The following GATAD2B variants were observed in gnomAD, a reference collection of about 807,000 sequenced individuals.
GATAD2B encodes the protein transcriptional repressor p66-beta.
GATAD2B carries 8 observed loss-of-function variants against 64.3 expected under a neutral mutation model. That is an observed-to-expected ratio of 0.12 (90% confidence interval 0.07 to 0.22). The LOEUF is 0.22. GATAD2B is among the 10% of genes least tolerant of loss of function. The probability of loss-of-function intolerance (pLI) is 1.00; values close to 1 mark genes in which losing one functional copy is unlikely to be tolerated. For synonymous variants in GATAD2B, 281 were observed against 271.3 expected (o/e 1.04, Z -0.35); for missense variants, 453 against 752.0 (o/e 0.60, Z 4.65).
At chr1:153,842,924 G>C (rs1675548001) in intron 1 of GATAD2B, among the ~76,000 whole-genome samples, 1 of 149,626 alleles carries the variant, frequency 6.7e-6, no homozygotes. Flanking sequence ...CAAAGTGCTG[G>C]GATTACAGGC....
intron 7 of GATAD2B, among the ~76,000 whole-genome samples, chr1:153,814,109 C>T (rs917323240): frequency 2.2e-4 from 34 of 152,348 alleles, no homozygotes; most frequent in South Asian, 8.3e-4. Flanking sequence ...TCAACCAATA[C>T]TTTTGCTTCT....
intron 1 of GATAD2B, among the ~76,000 whole-genome samples, chr1:153,876,239 A>AAAAAAAAG (rs1676828982): frequency 2.2e-5 from 3 of 133,670 alleles, no homozygotes; most frequent in Admixed American, 7.1e-5. Flanking sequence ...AAAAAAAAAA[A>AAAAAAAAG]AAAAAAAAAA....
intron 1 of GATAD2B, among the ~76,000 whole-genome samples, chr1:153,898,004 C>CAAAAAAAAAAAAA (rs60650122): frequency 1.5e-5 from 2 of 131,390 alleles, no homozygotes; most frequent in African/African-American, 2.8e-5. Context: ...AAAAAAAAAA[C>CAAAAAAAAAAAAA]AAAAAAAAAA....
intron 1 of GATAD2B, among the ~76,000 whole-genome samples, chr1:153,920,677 C>T (rs1462503157): frequency 1.3e-5 from 2 of 152,182 alleles, no homozygotes; most frequent in South Asian, 2.1e-4. Flanking sequence ...ATCACTCTCA[C>T]CTCATGGAGA....
chr1:153,886,523 T>G (rs935757629), intron 1 of GATAD2B: 1 of 104,460 alleles, frequency 9.6e-6, no homozygotes, highest in South Asian at 3.8e-4. Flanking sequence ...ATAGTTTTCC[T>G]TTTTTTTTTT....
chr1:153,915,695 A>G (rs1320375839), intron 1 of GATAD2B, among the ~76,000 whole-genome samples: 8 of 148,646 alleles, frequency 5.4e-5, no homozygotes, highest in Non-Finnish European at 1.2e-4. Flanking sequence ...AGATCGTGCC[A>G]CTGTGCTCCA....
chr1:153,852,361 GC>G (rs1383555315), intron 1 of GATAD2B: 1 of 878,522 alleles, frequency 1.1e-6, no homozygotes, highest in Non-Finnish European at 1.9e-6. Context: ...GATGTCGCCT[GC>G]CATCACCCTC....
chr1:153,842,676 T>C (rs1268452118), intron 1 of GATAD2B, among the ~76,000 whole-genome samples: 2 of 149,794 alleles, frequency 1.3e-5, no homozygotes, highest in African/African-American at 2.4e-5. Flanking sequence ...ATGTATGAGA[T>C]GGAGTTTCAC....
At chr1:153,905,429 A>G (rs1677894993) in intron 1 of GATAD2B, among the ~76,000 whole-genome samples, 1 of 151,836 alleles carries the variant, frequency 6.6e-6, no homozygotes, top group South Asian at 2.1e-4. Flanking sequence ...AATAAAAACT[A>G]TCTATAACTG....
intron 1 of GATAD2B, among the ~76,000 whole-genome samples, chr1:153,893,435 A>T (rs1462246809): frequency 1.3e-5 from 2 of 151,752 alleles, no homozygotes; most frequent in African/African-American, 4.8e-5. Flanking sequence ...GCCGAAACCC[A>T]GTCTCTACAA....
chr1:153,810,485 C>T (rs950126413), intron 10 of GATAD2B, among the ~76,000 whole-genome samples, 175 bp from the exon 11 acceptor site: 1 of 152,124 alleles, frequency 6.6e-6, no homozygotes, highest in African/African-American at 2.4e-5. Context: ...TTTTGAGATG[C>T]AGTCTCATTC....
intron 1 of GATAD2B, among the ~76,000 whole-genome samples, chr1:153,867,173 G>A (rs961020120): frequency 1.3e-5 from 2 of 152,004 alleles, no homozygotes; most frequent in African/African-American, 4.8e-5. Context: ...AGCACACCTC[G>A]GTGTGGTATG....
At chr1:153,907,803 T>C (rs1677994067) in intron 1 of GATAD2B, among the ~76,000 whole-genome samples, 1 of 151,882 alleles carries the variant, frequency 6.6e-6, no homozygotes, top group Non-Finnish European at 1.5e-5. Context: ...CACACCCAGC[T>C]AATTTTTTTT....
At chr1:153,843,163 C>T (rs1466033781) in intron 1 of GATAD2B, among the ~76,000 whole-genome samples, 1 of 149,540 alleles carries the variant, frequency 6.7e-6, no homozygotes, top group East Asian at 2.0e-4. Context: ...GAGACAGTAT[C>T]TCACTCTGTT....
At chr1:153,833,766 T>A (rs949980362) in intron 1 of GATAD2B, among the ~76,000 whole-genome samples, 1 of 128,986 alleles carries the variant, frequency 7.8e-6, no homozygotes, top group African/African-American at 3.0e-5. Context: ...GCCAAGATCA[T>A]GCCACTGCGC....
At chr1:153,888,223 T>C (rs748312704) in intron 1 of GATAD2B, among the ~76,000 whole-genome samples, 4 of 152,036 alleles carry the variant, frequency 2.6e-5, no homozygotes, top group Non-Finnish European at 5.9e-5. Context: ...TCTGTAAGGG[T>C]GGTATACATT....
chr1:153,876,270 G>A (rs1676832160), intron 1 of GATAD2B, among the ~76,000 whole-genome samples: 1 of 97,906 alleles, frequency 1.0e-5, no homozygotes, highest in African/African-American at 3.8e-5. Flanking sequence ...AGATTTCACA[G>A]TCCTTAAATG....
At chr1:153,844,421 T>TTA (rs1557798966) in intron 1 of GATAD2B, among the ~76,000 whole-genome samples, 10 of 80,204 alleles carry the variant, frequency 1.2e-4, no homozygotes, top group Non-Finnish European at 2.4e-4. Context: ...TAACAAATTA[T>TTA]AAAAAAAAAA....
At chr1:153,890,499 A>C (rs1251495517) in intron 1 of GATAD2B, 1 of 152,070 alleles carries the variant, frequency 6.6e-6, no homozygotes, top group Non-Finnish European at 1.5e-5. Flanking sequence ...AAAAAAAAAA[A>C]AAAAACGACA....
Sources: gnomAD v4.1 joint callset for allele counts (sites outside exome capture counted in the v4.1 genomes callset) on GRCh38, gnomAD v4.1.1 for gene constraint, MANE v1.5 for transcripts, NCBI Gene and HGNC (gene_info 2026-07-23, HGNC 2026-07-21) for gene names.